ELAC2: variants seen among roughly 807,000 people sequenced by gnomAD.
The protein encoded by ELAC2 is elaC ribonuclease Z 2, also known as zinc phosphodiesterase ELAC protein 2.
ELAC2 carries 92 observed loss-of-function variants against 105.2 expected under a neutral mutation model. The ratio of observed to expected loss-of-function variants is 0.87; its 90% confidence interval spans 0.74 to 1.04. ELAC2 has a LOEUF of 1.04. Ranked by LOEUF, ELAC2 falls within the 50% of genes least tolerant of loss-of-function variation. The probability of loss-of-function intolerance (pLI) is 0.00; values close to 1 mark genes in which losing one functional copy is unlikely to be tolerated. For missense variants in ELAC2, 1,099 were observed against 1,071.7 expected, an observed-to-expected ratio of 1.03 and a Z score of -0.36; for synonymous variants, 468 against 409.1, an observed-to-expected ratio of 1.14 and a Z score of -1.74.
At chr17:13,001,605 T>C (rs2040816472) in intron 14 of ELAC2, among the ~76,000 whole-genome samples, 1 of 152,214 alleles carries the variant, frequency 6.6e-6, no homozygotes, top group Non-Finnish European at 1.5e-5. Flanking sequence ...GCTTTCAAGA[T>C]GGCATCTTAC....
Position 12,991,876 on chromosome 17 carries a change from A to T in ELAC2, c.*942T>A, listed in dbSNP as rs1308064953. 6.6e-6 allele frequency among the ~76,000 whole-genome samples: 1 copy of T among 150,816 alleles called. No individual in the cohort carries two copies. ...ACTTACTTACTTACTTACTTTACTTACTTACTTCCTTGGAAAATGCTCTCC... is the reference window on the plus strand; with the variant it reads ...ACTTACTTACTTACTTACTTTACTTTCTTACTTCCTTGGAAAATGCTCTCC... On this transcript the variant is annotated 3_prime_UTR_variant, in exon 24 of 24. Transcript: ENST00000338034.
At chr17:13,010,792 C>T in intron 7 of ELAC2, 121 bp from the exon 8 acceptor site, 1 of 888,732 alleles carries the variant, frequency 1.1e-6, no homozygotes, top group Non-Finnish European at 1.8e-6. Context: ...GCTACTGTCC[C>T]AATACAAAGG....
chr17:13,017,207 T>C, intron 1 of ELAC2, 86 bp from the exon 2 acceptor site: 4 of 1,216,690 alleles, frequency 3.3e-6, no homozygotes, highest in South Asian at 1.3e-5. Context: ...TTGTAGACTC[T>C]GGAAAAAAAA....
At chr17:13,011,915 C>T (rs908970863) in intron 6 of ELAC2, 133 bp from the exon 7 acceptor site, 78 of 1,402,834 alleles carry the variant, frequency 5.6e-5, no homozygotes, top group Non-Finnish European at 7.0e-5. Flanking sequence ...TAGGAAATAA[C>T]TAGTTAGTTA....
intron 3 of ELAC2, 87 bp downstream of exon 3, chr17:13,016,775 C>T (rs1598277219): frequency 1.6e-6 from 2 of 1,281,356 alleles, no homozygotes; most frequent in East Asian, 4.7e-5. Context: ...AAAGTAGCTG[C>T]CCACCCCAGA....
In ELAC2 at chr17:13,005,956, G is replaced by C; in HGVS notation, c.762C>G (p.Phe254Leu). The change falls in exon 9 of 24, where the codon TTC becomes TTG. Residue 254 changes from phenylalanine to leucine, a missense_variant. Phe to Leu is a conservative substitution (Grantham distance 22). Coordinates refer to ENST00000338034, the MANE Select transcript of ELAC2 (RefSeq NM_018127.7). ...ICKLHLKRGN[F>L]LVLKAKEMGL... ...CCATCTCCTTTGCTTTGAGCACCAA[G>C]AAGTTTCCTCTCTTTAAGTGAAGCT... The C allele has an allele frequency of 1.9e-6, 3 of 1,614,186 alleles. No homozygotes were observed. Among genetic ancestry groups the C allele is most frequent in the Non-Finnish European group, 1.7e-6 (2 of 1,180,046 alleles).
chr17:13,009,369 T>C (rs1216541423), intron 8 of ELAC2, among the ~76,000 whole-genome samples: 1 of 152,222 alleles, frequency 6.6e-6, no homozygotes, highest in Non-Finnish European at 1.5e-5. Flanking sequence ...TTCACATATT[T>C]AGACAAATTT....
At chr17:12,997,554 TC>T (rs1292499903) in intron 16 of ELAC2, among the ~76,000 whole-genome samples, 1 of 151,956 alleles carries the variant, frequency 6.6e-6, no homozygotes, top group Non-Finnish European at 1.5e-5. Flanking sequence ...AAGCCCTTCT[TC>T]CCCCAGGATC....
intron 11 of ELAC2, among the ~76,000 whole-genome samples, chr17:13,004,315 G>A (rs2040988368): frequency 6.6e-6 from 1 of 151,960 alleles, no homozygotes; most frequent in Admixed American, 6.6e-5. Context: ...ACTCGGAAGG[G>A]GTACAGCAGC....
chr17:13,017,994 C>A lies in ELAC2; in HGVS notation c.-47G>T. 2 of 1,533,864 alleles carry A rather than the reference C, an allele frequency of 1.3e-6. No individual in the cohort carries two copies. The highest frequency in any genetic ancestry group is 1.7e-6 in the Non-Finnish European group (2 of 1,146,574). On this transcript the variant is annotated 5_prime_UTR_variant, in exon 1 of 24. Transcript: ENST00000338034. Reference sequence around the variant, plus strand: ...GAGAAAGCCGCCGGTCACCTACGCCCGCGTTTCCCGTGCACCACCTAGCCG... The same window carrying A: ...GAGAAAGCCGCCGGTCACCTACGCCAGCGTTTCCCGTGCACCACCTAGCCG...
Position 12,996,555 on chromosome 17 carries a change from G to A in ELAC2, c.1651C>T (p.His551Tyr). Residue 551 changes from histidine to tyrosine, a missense_variant, in exon 17 of 24, where the codon CAC becomes TAC. By Grantham distance (83) the His-to-Tyr change is moderately conservative. Coordinates refer to ENST00000338034, the MANE Select transcript of ELAC2 (RefSeq NM_018127.7). ...TCCAGCCCAACACTCACCGTGTGGT[G>A]ATCTGCGTGCAGGTGGGACACAAAC... is the stretch of plus-strand genomic sequence containing the variant. ...AVFVSHLHAD[H>Y]HTGLPSILLQ... is the part of the protein sequence containing the mutation. 6.2e-7 allele frequency: 1 copy of A among 1,613,974 alleles called. No individual in the cohort carries two copies. The highest frequency in any genetic ancestry group is 1.1e-5 in the South Asian group (1 of 91,078).
chr17:12,998,267 G>C, intron 16 of ELAC2, 145 bp downstream of exon 16: 2 of 798,734 alleles, frequency 2.5e-6, no homozygotes, highest in South Asian at 1.5e-5. Flanking sequence ...GTAAGGCCAC[G>C]CTCCTCTCCT....
intron 16 of ELAC2, among the ~76,000 whole-genome samples, 192 bp from the exon 17 acceptor site, chr17:12,996,877 A>G (rs535795312): frequency 3.9e-5 from 6 of 152,040 alleles, no homozygotes; most frequent in Non-Finnish European, 7.4e-5. Context: ...CATCCTCTTT[A>G]TAGCAAAGAA....
At chr17:12,993,930 GGGGAAGCTGGT>G (rs139361711) in intron 22 of ELAC2, 99 bp from the exon 23 acceptor site, 350 of 1,566,408 alleles carry the variant, frequency 2.2e-4, no homozygotes, top group Non-Finnish European at 2.6e-4. Flanking sequence ...CAGGGCACCC[GGGGAAGCTGGT>G]GGGTTTTCTT....
intron 6 of ELAC2, among the ~76,000 whole-genome samples, chr17:13,012,624 A>G (rs2286336): frequency 0.27 from 41,764 of 152,044 alleles, 5,917 homozygotes; most frequent in Middle Eastern, 0.33. Context: ...AGCACTACTT[A>G]GTAAGCATCA....
In ELAC2 at chr17:12,995,973, C is replaced by T. The variant is rs2143564142; in HGVS notation, c.1665G>A (p.Leu555=). 6.3e-7 allele frequency: 1 copy of T among 1,594,378 alleles called. No homozygotes were observed. The highest frequency in any genetic ancestry group is 8.6e-7 in the Non-Finnish European group (1 of 1,169,046). Residue 555 remains leucine, a synonymous_variant, in exon 18 of 24, where the codon TTG becomes TTA. Transcript: ENST00000338034. The stretch of plus-strand genomic sequence containing the variant: ...GTTCTCTCTGCAGCAAGATACTTGG[C>T]AAGCCCTGGCAAGGAAACAGGAGAC... ...SHLHADHHTG[L]PSILLQRERA...
intron 15 of ELAC2, 78 bp from the exon 16 acceptor site, chr17:12,998,586 T>C (rs1278238154): frequency 2.3e-6 from 3 of 1,305,160 alleles, no homozygotes; most frequent in African/African-American, 1.5e-5. Flanking sequence ...GAAGGTGCAA[T>C]GGTTTGAGTG....
intron 11 of ELAC2, 97 bp from the exon 12 acceptor site, chr17:13,003,671 C>T: frequency 3.8e-6 from 4 of 1,056,554 alleles, no homozygotes; most frequent in Non-Finnish European, 5.8e-6. Flanking sequence ...CGGCCCTCTG[C>T]AGCACTGCAG....
Position 13,017,220 on chromosome 17 carries a change from AAG to A in ELAC2, c.246-101_246-100del, listed in dbSNP as rs1395045252. The A allele has an allele frequency of 1.4e-5, 18 of 1,272,372 alleles. 1 individual carries two copies. The highest frequency in any genetic ancestry group is 2.3e-5 in the East Asian group (1 of 43,220). 78.8% of individuals were successfully genotyped at this position (1,272,372 alleles called of 1,614,324 possible). A position where few individuals can be genotyped will look rare whatever the true frequency, so the allele number is the denominator to read the frequency against. ...TATTGTAGACTCTGGAAAAAAAAAA[AAG>A]AAAAAAAAATTAAAAGTCCACGTTG... On this transcript the variant is annotated intron_variant, in intron 1 of 23. Coordinates refer to ENST00000338034, the MANE Select transcript of ELAC2 (RefSeq NM_018127.7).
Sources: gnomAD v4.1 joint callset for allele counts (sites outside exome capture counted in the v4.1 genomes callset) on GRCh38, gnomAD v4.1.1 for gene constraint, MANE v1.5 for transcripts, NCBI Gene and HGNC (gene_info 2026-07-23, HGNC 2026-07-21) for gene names.